Variants in METTL4 observed in about 807,000 individuals in gnomAD.
METTL4 encodes N(6)-adenine-specific methyltransferase METTL4.
METTL4 carries 40 observed loss-of-function variants against 54.0 expected under a neutral mutation model. The ratio of observed to expected loss-of-function variants is 0.74; its 90% confidence interval spans 0.58 to 0.96. The LOEUF (loss-of-function observed/expected upper bound fraction) is 0.96. METTL4 is among the 50% of genes least tolerant of loss of function. The pLI is 0.00. For missense variants in METTL4, 525 were observed against 549.0 expected, an observed-to-expected ratio of 0.96 and a Z score of 0.44; for synonymous variants, 169 against 183.8, an observed-to-expected ratio of 0.92 and a Z score of 0.65.
chr18:2,539,123 C>T lies in METTL4; in HGVS notation c.1296G>A (p.Lys432=), dbSNP rs370250408. The change falls in exon 9 of 9, where the codon AAG becomes AAA. Residue 432 remains lysine (K), a synonymous_variant. Coordinates refer to ENST00000574538, the MANE Select transcript of METTL4 (RefSeq NM_022840.5). ...PLAEVLKDYI[K]PDGEYLELFA... ...ACAACTCCAAATATTCCCCATCTGG[C>T]TTGATGTAGTCTTTTAAAACCTCTG... 8.7e-6 allele frequency: 14 copies of T among 1,613,744 alleles called. No homozygotes were observed. In the African/African-American group the frequency reaches 1.9e-4, roughly 22 times the overall value.
intron 3 of METTL4, 86 bp from the exon 4 acceptor site, chr18:2,555,124 T>C: frequency 7.7e-7 from 1 of 1,295,990 alleles, no homozygotes; most frequent in Non-Finnish European, 1.1e-6. Context: ...GTTTATAAAC[T>C]GAAATCAATA....
At position 2,547,343 on chromosome 18, in the gene METTL4, T is replaced by A; in HGVS notation, c.1074+12A>T. The A allele has an allele frequency of 6.5e-7, 1 of 1,543,422 alleles. No individual in the cohort carries two copies. Among genetic ancestry groups the A allele is most frequent in the Non-Finnish European group, 8.7e-7 (1 of 1,147,482 alleles). ...AAGCTGTATTAACAAATAAGCTAAC[T>A]TCTGAACTTACTTTTACCCAGTGCC... is the stretch of plus-strand genomic sequence containing the variant. On this transcript the variant is annotated intron_variant, in intron 6 of 8. Coordinates refer to ENST00000574538, the MANE Select transcript of METTL4 (RefSeq NM_022840.5).
intron 3 of METTL4, among the ~76,000 whole-genome samples, chr18:2,555,843 T>TAAAA (rs33960748): frequency 7.0e-6 from 1 of 143,120 alleles, no homozygotes; most frequent in Admixed American, 7.0e-5. Flanking sequence ...TTGGTATGTT[T>TAAAA]AAAAAAAAAA....
Position 2,552,731 on chromosome 18 carries a change from G to A in METTL4, c.863C>T (p.Pro288Leu), listed in dbSNP as rs781449238. The A allele has an allele frequency of 1.1e-5, 18 of 1,610,952 alleles. No individual in the cohort carries two copies. The highest frequency in any genetic ancestry group is 1.4e-5 in the Non-Finnish European group (17 of 1,178,774). The change falls in exon 5 of 9, where the codon CCA becomes CTA. Residue 288 changes from proline (P) to leucine (L), a missense_variant. Coordinates refer to ENST00000574538, the MANE Select transcript of METTL4 (RefSeq NM_022840.5). The stretch of plus-strand genomic sequence containing the variant: ...TTTAACTGATTTGTTCTGCCATGGT[G>A]GATCTATCACAATTACATCAAATGT... ...RKTFDVIVID[P>L]PWQNKSVKRS...
At chr18:2,557,553 G>A (rs2072257149) in intron 3 of METTL4, among the ~76,000 whole-genome samples, 1 of 152,216 alleles carries the variant, frequency 6.6e-6, no homozygotes, top group Non-Finnish European at 1.5e-5. Flanking sequence ...TGCTGTCCAG[G>A]TTAATAAAGT....
chr18:2,543,500 T>A (rs1452240888), intron 8 of METTL4, among the ~76,000 whole-genome samples: 1 of 152,134 alleles, frequency 6.6e-6, no homozygotes, highest in African/African-American at 2.4e-5. Context: ...TATAACTAAT[T>A]CTCACAACTC....
intron 3 of METTL4, among the ~76,000 whole-genome samples, chr18:2,558,131 AC>A (rs2072264942): frequency 6.6e-6 from 1 of 152,340 alleles, no homozygotes; most frequent in South Asian, 2.1e-4. Flanking sequence ...ACTGCATCTA[AC>A]AATTTTTGGA....
In METTL4 at chr18:2,567,295, T is replaced by C; in HGVS notation, c.-79A>G. On this transcript the variant is annotated 5_prime_UTR_variant, in exon 2 of 9. Coordinates refer to ENST00000574538, the MANE Select transcript of METTL4 (RefSeq NM_022840.5). ...TTTCCAGATCAGCTTCTTAAATATC[T>C]TGTATTTCAATAAACATACACTTCA... is the stretch of plus-strand genomic sequence containing the variant. 1 of 1,340,656 alleles carries C rather than the reference T, an allele frequency of 7.5e-7. No homozygotes were observed. The highest frequency in any genetic ancestry group is 2.3e-5 in the East Asian group (1 of 43,200). 83.0% of individuals were successfully genotyped at this position (1,340,656 alleles called of 1,614,324 possible). A position where few individuals can be genotyped will look rare whatever the true frequency, so the allele number is the denominator to read the frequency against.
intron 5 of METTL4, among the ~76,000 whole-genome samples, chr18:2,551,376 A>T (rs2072158196): frequency 6.6e-6 from 1 of 152,120 alleles, no homozygotes; most frequent in Admixed American, 6.5e-5. Context: ...AAACAGATAC[A>T]TGAATTCTTT....
At chr18:2,561,311 A>AT (rs1419906910) in intron 3 of METTL4, 6 of 152,222 alleles carry the variant, frequency 3.9e-5, no homozygotes, top group African/African-American at 9.6e-5. Flanking sequence ...AAAGAGTTCT[A>AT]TATCTGGAAA....
chr18:2,539,446 C>T (rs961285972), intron 8 of METTL4, among the ~76,000 whole-genome samples: 1 of 150,592 alleles, frequency 6.6e-6, no homozygotes, highest in Non-Finnish European at 1.5e-5. Context: ...TCCAATACTG[C>T]TGATATATCT....
chr18:2,565,280 A>T (rs1983347), intron 2 of METTL4, among the ~76,000 whole-genome samples: 1 of 149,064 alleles, frequency 6.7e-6, no homozygotes, highest in East Asian at 1.9e-4. Context: ...CTCCGTCTCA[A>T]AAAAAAAAAG....
chr18:2,555,340 A>G (rs2072223903), intron 3 of METTL4: 2 of 328,750 alleles, frequency 6.1e-6, no homozygotes, highest in Middle Eastern at 8.6e-4. Flanking sequence ...AGAAAATGGG[A>G]TTTCTAATCT....
intron 3 of METTL4, chr18:2,561,031 T>A (rs916239941): frequency 5.9e-5 from 9 of 151,926 alleles, no homozygotes; most frequent in African/African-American, 9.7e-5. Flanking sequence ...TGGAAAAAAA[T>A]TTTTAAAAAA....
intron 8 of METTL4, among the ~76,000 whole-genome samples, chr18:2,541,984 G>A (rs1489291086): frequency 6.6e-6 from 1 of 151,930 alleles, no homozygotes; most frequent in African/African-American, 2.4e-5. Context: ...ACAGTAACAT[G>A]AACTCAAAAA....
At chr18:2,566,061 ATAAAT>A (rs1470172988) in intron 2 of METTL4, among the ~76,000 whole-genome samples, 9 of 145,086 alleles carry the variant, frequency 6.2e-5, no homozygotes, top group African/African-American at 1.5e-4. Context: ...AAATAAATAA[ATAAAT>A]AAATAAATAA....
chr18:2,554,411 G>T, intron 4 of METTL4: 1 of 359,780 alleles, frequency 2.8e-6, no homozygotes, highest in East Asian at 5.3e-5. Context: ...ACTGCATACC[G>T]AATTCCTAAG....
chr18:2,544,204 G>T lies in METTL4; in HGVS notation c.1264C>A (p.Pro422Thr). 6.2e-7 allele frequency: 1 copy of T among 1,604,150 alleles called. No homozygotes were observed. Residue 422 changes from proline to threonine, a missense_variant, in exon 8 of 9, where the codon CCG becomes ACG. Pro to Thr is a conservative substitution (Grantham distance 38, BLOSUM62 -1). Coordinates refer to ENST00000574538, the MANE Select transcript of METTL4 (RefSeq NM_022840.5). ...TTTTATAAAAACATACCAGCAAGCG[G>T]TGGCTTATGTGAGTGAAGAGTACAG... The part of the protein sequence containing the change: ...VPCTLHSHKP[P>T]LAEVLKDYIK...
Position 2,570,270 on chromosome 18 carries a change from G to A in METTL4, c.-439+879C>T, listed in dbSNP as rs544392711. On this transcript the variant is annotated intron_variant, in intron 1 of 8. Coordinates refer to ENST00000574538, the MANE Select transcript of METTL4 (RefSeq NM_022840.5). ...GCTGCTTCTCAAGATCCTCAGCAGG[G>A]ATTAAGAAGTTGGGGTGCACAGCAG... Among the ~76,000 whole-genome samples, 3 of 152,310 alleles carry A rather than the reference G, an allele frequency of 2.0e-5. No individual in the cohort carries two copies. The East Asian group carries it at 5.8e-4, about 29-fold the overall frequency.
Sources: gnomAD v4.1 joint callset for allele counts (sites outside exome capture counted in the v4.1 genomes callset) on GRCh38, gnomAD v4.1.1 for gene constraint, MANE v1.5 for transcripts, NCBI Gene and HGNC (gene_info 2026-07-23, HGNC 2026-07-21) for gene names.